The following ARHGAP5 variants were observed in gnomAD, a reference collection of about 807,000 sequenced individuals.
ARHGAP5 encodes the protein rho GTPase-activating protein 5.
A neutral mutation model predicts 116.6 loss-of-function variants in ARHGAP5; 23 were observed. That is an observed-to-expected ratio of 0.20 (90% CI 0.14 to 0.28). The LOEUF (loss-of-function observed/expected upper bound fraction) is 0.28. ARHGAP5 is among the 10% of genes least tolerant of loss of function. The pLI, the probability that ARHGAP5 is intolerant of heterozygous loss-of-function variation, is 1.00. For missense variants in ARHGAP5, 1,405 were observed against 1,774.8 expected, an observed-to-expected ratio of 0.79 and a Z score of 3.74; for synonymous variants, 574 against 602.0, an observed-to-expected ratio of 0.95 and a Z score of 0.68.
In ARHGAP5 at chr14:32,112,285, G is replaced by A. The variant is rs149286241; in HGVS notation, c.3718-4855G>A. ...TTGAGGTGTTTGGTTTTTTAAAAAT[G>A]TTACTGTAGTATTTATTTGAAGATG... is the stretch of plus-strand genomic sequence containing the variant. On this transcript the variant is annotated intron_variant, in intron 2 of 6. Transcript: ENST00000345122. Among the ~76,000 whole-genome samples, 335 of 152,278 alleles carry A rather than the reference G, an allele frequency of 2.2e-3. 1 individual carries two copies. The highest frequency in any genetic ancestry group is 3.7e-3 in the Non-Finnish European group (251 of 68,012).
chr14:32,083,050 G>T (rs1484220892), intron 1 of ARHGAP5, among the ~76,000 whole-genome samples: 1 of 152,190 alleles, frequency 6.6e-6, no homozygotes, highest in Non-Finnish European at 1.5e-5. Flanking sequence ...TCCAACATGG[G>T]TACTGTGGTC....
intron 3 of ARHGAP5, among the ~76,000 whole-genome samples, chr14:32,133,661 C>T (rs185241929): frequency 1.4e-3 from 209 of 152,118 alleles, no homozygotes; most frequent in African/African-American, 4.6e-3. Context: ...GTCTTGTGCC[C>T]GTTTTCAAAG....
At position 32,109,817 on chromosome 14, in the gene ARHGAP5, A is replaced by G. The variant is rs772806373; in HGVS notation, c.3718-7323A>G. On this transcript the variant is annotated intron_variant, in intron 2 of 6. Coordinates refer to ENST00000345122, the MANE Select transcript of ARHGAP5 (RefSeq NM_001030055.2). ...CATACTGGCTAAGAATTCTTGACACATGTTTCCCGTGAACATTCCTGTAGA... is the reference window on the plus strand; with the variant it reads ...CATACTGGCTAAGAATTCTTGACACGTGTTTCCCGTGAACATTCCTGTAGA... 7.9e-5 allele frequency among the ~76,000 whole-genome samples: 12 copies of G among 152,160 alleles called. No homozygotes were observed. The East Asian group carries it at 1.7e-3, about 22-fold the overall frequency.
chr14:32,085,562 GT>G (rs1353345212), intron 1 of ARHGAP5, among the ~76,000 whole-genome samples: 1 of 152,058 alleles, frequency 6.6e-6, no homozygotes, highest in Non-Finnish European at 1.5e-5. Context: ...GTGTGCAGTT[GT>G]TTTTTTATTC....
Position 32,091,023 on chromosome 14 carries a change from T to G in ARHGAP5, c.354T>G (p.Arg118=), listed in dbSNP as rs370391316. Residue 118 remains arginine (R), a synonymous_variant, in exon 2 of 7, where the codon CGT becomes CGG. Coordinates refer to ENST00000345122, the MANE Select transcript of ARHGAP5 (RefSeq NM_001030055.2). ...RSTNLQPYIK[R]AAASKLQSAE... ...CGAATTTGCAACCATATATAAAACGTGCAGCTGCATCTAAATTGCAGTCAG... is the reference window on the plus strand; with the variant it reads ...CGAATTTGCAACCATATATAAAACGGGCAGCTGCATCTAAATTGCAGTCAG... 1.2e-6 allele frequency: 2 copies of G among 1,613,566 alleles called. No homozygotes were observed. The highest frequency in any genetic ancestry group is 2.7e-5 in the African/African-American group (2 of 74,900).
At chr14:32,151,916 G>C (rs1334320830) in intron 5 of ARHGAP5, among the ~76,000 whole-genome samples, 4 of 152,176 alleles carry the variant, frequency 2.6e-5, no homozygotes, top group Non-Finnish European at 5.9e-5. Context: ...GATAATGTTA[G>C]TTGAAGTGAT....
intron 2 of ARHGAP5, 102 bp downstream of exon 2, chr14:32,094,488 A>G (rs562791186): frequency 1.4e-5 from 12 of 839,870 alleles, no homozygotes; most frequent in African/African-American, 1.2e-4. Context: ...CATTCCATAC[A>G]TAATAATTAG....
chr14:32,143,462 T>G (rs1881234576), intron 3 of ARHGAP5, among the ~76,000 whole-genome samples: 1 of 152,160 alleles, frequency 6.6e-6, no homozygotes, highest in Admixed American at 6.5e-5. Flanking sequence ...GCCAGGATGG[T>G]CTCAATCTCC....
At position 32,090,906 on chromosome 14, in the gene ARHGAP5, A is replaced by G. The variant is rs756637244; in HGVS notation, c.237A>G (p.Ile79Met). The change falls in exon 2 of 7, where the codon ATA (isoleucine) becomes ATG (methionine). Residue 79 changes from isoleucine (I) to methionine (M), a missense_variant. Ile to Met is a conservative substitution (Grantham distance 10). Transcript: ENST00000345122. ...ACTTTTTGTACTGGGGTGACATAAT[A>G]CAAAATAGTGAAGATGGAGTAGAAT... Reference protein sequence around the residue: ...NDHFLYWGDIIQNSEDGVECK... With the variant: ...NDHFLYWGDIMQNSEDGVECK... The G allele has an allele frequency of 5.0e-6, 8 of 1,613,684 alleles. No homozygotes were observed. In the South Asian group the frequency reaches 7.7e-5, roughly 16 times the overall value.
intron 3 of ARHGAP5, among the ~76,000 whole-genome samples, chr14:32,134,822 G>A (rs965690338): frequency 3.9e-5 from 6 of 152,120 alleles, no homozygotes; most frequent in African/African-American, 9.7e-5. Context: ...TAGCCATTCC[G>A]TTTACTGTTG....
chr14:32,125,825 G>A (rs977459149), intron 3 of ARHGAP5, among the ~76,000 whole-genome samples: 2 of 152,066 alleles, frequency 1.3e-5, no homozygotes, highest in East Asian at 1.9e-4. Flanking sequence ...GTAGTTTTCA[G>A]TGTTCAAGTC....
intron 3 of ARHGAP5, among the ~76,000 whole-genome samples, chr14:32,138,531 G>A (rs149953807): frequency 0.015 from 2,351 of 152,234 alleles, 24 homozygotes; most frequent in South Asian, 0.024. Context: ...TGATCTGCCC[G>A]CCTCAGCCTC....
chr14:32,120,059 C>G (rs1375035438), intron 3 of ARHGAP5, among the ~76,000 whole-genome samples: 3 of 152,024 alleles, frequency 2.0e-5, no homozygotes, highest in African/African-American at 7.2e-5. Context: ...TAGTAGAATT[C>G]ATCAGTGAAG....
At chr14:32,109,296 GA>G (rs1375049113) in intron 2 of ARHGAP5, among the ~76,000 whole-genome samples, 2 of 150,996 alleles carry the variant, frequency 1.3e-5, no homozygotes, top group African/African-American at 2.4e-5. Context: ...CATTAGCAAA[GA>G]AAAAAAGAAA....
chr14:32,092,632 C>T lies in ARHGAP5; in HGVS notation c.1963C>T (p.Pro655Ser). Residue 655 changes from proline (P) to serine (S), a missense_variant, in exon 2 of 7, where the codon CCA becomes TCA. By Grantham distance (74) the Pro-to-Ser change is moderately conservative. Transcript: ENST00000345122. The surrounding 1 kb of genome is among the most constrained non-coding windows in gnomAD (Gnocchi z 4.1). The part of the protein sequence containing the change: ...LSQLWTAAFK[P>S]HGCFCVFNSI... ...TCAGTTATGGACTGCCGCCTTTAAA[C>T]CACATGGGTGCTTCTGTGTATTTAA... 6.2e-7 allele frequency: 1 copy of T among 1,613,944 alleles called. No homozygotes were observed. The highest frequency in any genetic ancestry group is 8.5e-7 in the Non-Finnish European group (1 of 1,179,884).
intron 3 of ARHGAP5, among the ~76,000 whole-genome samples, chr14:32,143,459 T>C (rs996685641): frequency 2.6e-5 from 4 of 152,206 alleles, no homozygotes; most frequent in Non-Finnish European, 5.9e-5. Context: ...TTAGCCAGGA[T>C]GGTCTCAATC....
intron 3 of ARHGAP5, among the ~76,000 whole-genome samples, chr14:32,133,235 A>T (rs1337853574): frequency 6.6e-6 from 1 of 152,136 alleles, no homozygotes; most frequent in African/African-American, 2.4e-5. Flanking sequence ...ATGTTCTTCC[A>T]TTTGTTTGTA....
In ARHGAP5 at chr14:32,093,760, G is replaced by C; in HGVS notation, c.3091G>C (p.Glu1031Gln). The change falls in exon 2 of 7, where the codon GAA becomes CAA. Residue 1031 changes from glutamate (E) to glutamine (Q), a missense_variant. Glu to Gln is a conservative substitution (Grantham distance 29, BLOSUM62 2). Coordinates refer to ENST00000345122, the MANE Select transcript of ARHGAP5 (RefSeq NM_001030055.2). ...TAGTACCCCAAACTGTCATGACCAT[G>C]AACGCAACCATAAAGTGCCTCCACC... ...IHSTPNCHDH[E>Q]RNHKVPPPIK... The C allele has an allele frequency of 1.9e-6, 3 of 1,614,080 alleles. No individual in the cohort carries two copies. The African/African-American group carries it at 4.0e-5, about 22-fold the overall frequency.
At chr14:32,151,126 A>T (rs1182431720) in intron 5 of ARHGAP5, among the ~76,000 whole-genome samples, 1 of 152,174 alleles carries the variant, frequency 6.6e-6, no homozygotes, top group African/African-American at 2.4e-5. Context: ...CTCTCAGGTA[A>T]AGTGGGAAAA....
Sources: allele counts gnomAD v4.1 joint callset (sites outside exome capture counted in the v4.1 genomes callset), GRCh38; gene constraint gnomAD v4.1.1; non-coding constraint Gnocchi (gnomAD v3.1); transcripts MANE v1.5; gene names NCBI Gene and HGNC (gene_info 2026-07-23, HGNC 2026-07-21).